The following ZNF875 variants were observed in gnomAD, a reference collection of about 807,000 sequenced individuals.
The protein encoded by ZNF875 is zinc finger protein 875.
A neutral mutation model predicts 11.2 loss-of-function variants in ZNF875; 14 were observed. That is an observed-to-expected ratio of 1.26 (90% confidence interval 0.83 to 1.96). The LOEUF is 1.96. ZNF875 is among the 30% of genes most tolerant of loss of function. The pLI, the probability that ZNF875 is intolerant of heterozygous loss-of-function variation, is 0.00. For missense variants in ZNF875, 752 were observed against 760.4 expected, an observed-to-expected ratio of 0.99 and a Z score of 0.13; for synonymous variants, 301 against 281.1, an observed-to-expected ratio of 1.07 and a Z score of -0.71.
chr19:37,354,721 C>A (rs1377300488), intron 4 of ZNF875, among the ~76,000 whole-genome samples: 1 of 152,178 alleles, frequency 6.6e-6, no homozygotes, highest in Non-Finnish European at 1.5e-5. Flanking sequence ...GTTGTGGCAT[C>A]TCTGCCCTCT....
At chr19:37,344,547 C>A in intron 2 of ZNF875, 1 of 721,850 alleles carries the variant, frequency 1.4e-6, no homozygotes, top group Non-Finnish European at 2.5e-6. Flanking sequence ...TTGCTAGAAT[C>A]CTACGGTAAG....
chr19:37,313,828 C>A, upstream of ZNF875, among the ~76,000 whole-genome samples: 1 of 151,832 alleles, frequency 6.6e-6, no homozygotes, highest in East Asian at 1.9e-4. Flanking sequence ...TTTTCAATGC[C>A]TTTTCATTTT....
chr19:37,358,029 C>A (rs1177130712), intron 4 of ZNF875: 3 of 378,406 alleles, frequency 7.9e-6, no homozygotes, highest in Non-Finnish European at 1.4e-5. Flanking sequence ...GATAACTCTT[C>A]TTATTTTGAG....
Position 37,363,004 on chromosome 19 carries a change from C to T in ZNF875, c.1152C>T (p.His384=), listed in dbSNP as rs1006524945. 1 of 1,614,204 alleles carries T rather than the reference C, an allele frequency of 6.2e-7. No homozygotes were observed. Among genetic ancestry groups the T allele is most frequent in the Non-Finnish European group, 8.5e-7 (1 of 1,180,050 alleles). ...GCCAGCATTCACACCTGGTCAGACA[C>T]AAGAGGACACATTCAGGAGAGAAGC... ...GFRQHSHLVR[H]KRTHSGEKPY... Residue 384 remains histidine (H), a synonymous_variant, in exon 5 of 5, where the codon CAC becomes CAT. Coordinates refer to ENST00000392153, the MANE Select transcript of ZNF875 (RefSeq NM_001353803.2).
At chr19:37,341,222 G>A (rs2035655165) in intron 2 of ZNF875, among the ~76,000 whole-genome samples, 1 of 152,200 alleles carries the variant, frequency 6.6e-6, no homozygotes, top group Non-Finnish European at 1.5e-5. Flanking sequence ...AGCCTTTGCT[G>A]TATAATGAAC....
At chr19:37,336,364 A>T (rs1377868307) in intron 2 of ZNF875, among the ~76,000 whole-genome samples, 1 of 142,966 alleles carries the variant, frequency 7.0e-6, no homozygotes, top group Non-Finnish European at 1.5e-5. Flanking sequence ...CAGTGGCGCC[A>T]TCTCGGCTCG....
chr19:37,331,814 C>T (rs1366522956), upstream of ZNF875, among the ~76,000 whole-genome samples: 3 of 125,796 alleles, frequency 2.4e-5, no homozygotes, highest in Non-Finnish European at 3.7e-5. Context: ...ACCCCCAGCC[C>T]GACACCCGTA....
upstream of ZNF875, among the ~76,000 whole-genome samples, chr19:37,332,335 A>G (rs1322872716): frequency 6.6e-6 from 1 of 151,714 alleles, no homozygotes; most frequent in Non-Finnish European, 1.5e-5. Flanking sequence ...ACCTTACGAG[A>G]AACACCCACA....
chr19:37,327,920 G>A (rs2032772314), intron 4 of ZNF875, among the ~76,000 whole-genome samples: 1 of 152,096 alleles, frequency 6.6e-6, no homozygotes, highest in South Asian at 2.1e-4. Flanking sequence ...AAAATGATGA[G>A]GGAACACAAT....
upstream of ZNF875, among the ~76,000 whole-genome samples, chr19:37,334,377 C>T (rs965411507): frequency 6.6e-5 from 10 of 152,246 alleles, no homozygotes; most frequent in Non-Finnish European, 1.3e-4. Flanking sequence ...GCACCGGGAC[C>T]ACATTTTGCA....
intron 4 of ZNF875, among the ~76,000 whole-genome samples, chr19:37,352,693 T>A (rs921637582): frequency 2.0e-5 from 3 of 152,194 alleles, no homozygotes; most frequent in African/African-American, 7.2e-5. Flanking sequence ...AGTTTGCCAA[T>A]CTCTACGTTT....
intron 4 of ZNF875, among the ~76,000 whole-genome samples, chr19:37,328,299 A>G (rs2032847931): frequency 6.6e-6 from 1 of 152,154 alleles, no homozygotes; most frequent in South Asian, 2.1e-4. Context: ...AGGCACACAG[A>G]TTTTCTGGAA....
chr19:37,347,287 T>G lies in ZNF875; in HGVS notation c.131T>G (p.Leu44Arg). ...AQRTLHREVM[L>R]ETYNHLVSLE... Reference sequence around the variant, plus strand: ...AGGACCCTGCACAGGGAGGTGATGCTGGAGACTTATAACCATCTGGTCTCA... The same window carrying G: ...AGGACCCTGCACAGGGAGGTGATGCGGGAGACTTATAACCATCTGGTCTCA... The change falls in exon 3 of 5, where the codon CTG becomes CGG. Residue 44 changes from leucine to arginine, a missense_variant. Physicochemically the swap from Leu to Arg is moderately radical, Grantham distance 102 (BLOSUM62 -2). Transcript: ENST00000392153. The G allele has an allele frequency of 6.2e-7, 1 of 1,614,032 alleles. No individual in the cohort carries two copies. The highest frequency in any genetic ancestry group is 8.5e-7 in the Non-Finnish European group (1 of 1,179,914).
intron 1 of ZNF875, among the ~76,000 whole-genome samples, chr19:37,319,344 CATATATATAT>C (rs146774743): frequency 4.5e-5 from 5 of 112,330 alleles, no homozygotes; most frequent in Non-Finnish European, 5.1e-5. Context: ...CTGCAGCCGG[CATATATATAT>C]ATATATATAT....
chr19:37,319,749 G>T (rs1318904838), intron 1 of ZNF875, among the ~76,000 whole-genome samples: 1 of 152,052 alleles, frequency 6.6e-6, no homozygotes, highest in Non-Finnish European at 1.5e-5. Flanking sequence ...AACTAAGACC[G>T]GCTATCCCTC....
At chr19:37,361,467 C>T (rs1204292132) in intron 4 of ZNF875, among the ~76,000 whole-genome samples, 1 of 152,044 alleles carries the variant, frequency 6.6e-6, no homozygotes, top group Non-Finnish European at 1.5e-5. Context: ...TCCTCCTCCT[C>T]CTTCTTCTTC....
chr19:37,328,247 G>C lies in ZNF875; in HGVS notation c.-603+3982G>C, dbSNP rs1568568899. 3.3e-5 allele frequency among the ~76,000 whole-genome samples: 5 copies of C among 151,810 alleles called. No homozygotes were observed. In the East Asian group the frequency reaches 9.7e-4, roughly 30 times the overall value. On this transcript the variant is annotated intron_variant, in intron 4 of 5. Transcript: ENST00000544914. ...AAAGCAAAACTCTGTCTCAAAAAAA[G>C]AAAAAAAGAGAAAGGGTGGAAAAGA...
chr19:37,313,843 C>T (rs1370568304), upstream of ZNF875, among the ~76,000 whole-genome samples: 1 of 151,646 alleles, frequency 6.6e-6, no homozygotes, highest in Non-Finnish European at 1.5e-5. Flanking sequence ...CATTTTCTTT[C>T]TTTTTCTTGT....
chr19:37,331,135 C>T (rs535113135), upstream of ZNF875, among the ~76,000 whole-genome samples: 5 of 136,788 alleles, frequency 3.7e-5, no homozygotes, highest in South Asian at 2.4e-4. Context: ...TGCAGTGAGC[C>T]GAGATGGCAC....
Sources: gnomAD v4.1 joint callset for allele counts (sites outside exome capture counted in the v4.1 genomes callset) on GRCh38, gnomAD v4.1.1 for gene constraint, MANE v1.5 for transcripts, NCBI Gene and HGNC (gene_info 2026-07-23, HGNC 2026-07-21) for gene names.